The following LPP variants were observed in gnomAD, a reference collection of about 807,000 sequenced individuals.
LPP encodes the protein lipoma-preferred partner.
A neutral mutation model predicts 60.4 loss-of-function variants in LPP; 38 were observed. The ratio of observed to expected loss-of-function variants is 0.63; its 90% CI spans 0.49 to 0.83. LPP has a LOEUF of 0.83. Among genes scored for constraint, LPP ranks in the 40% least tolerant of loss-of-function variants. The probability of loss-of-function intolerance (pLI) is 0.00; values close to 1 mark genes in which losing one functional copy is unlikely to be tolerated. For synonymous variants in LPP, 328 were observed against 290.8 expected, an observed-to-expected ratio of 1.13 and a Z score of -1.30; for missense variants, 902 against 783.6, an observed-to-expected ratio of 1.15 and a Z score of -1.80.
intron 2 of LPP, among the ~76,000 whole-genome samples, chr3:188,290,061 C>T (rs1249641443): frequency 6.6e-6 from 1 of 152,026 alleles, no homozygotes; most frequent in African/African-American, 2.4e-5. Context: ...CAACCTTGGC[C>T]TCCCGGGTTC....
chr3:188,635,232 T>G (rs1410761577), intron 7 of LPP, among the ~76,000 whole-genome samples: 2 of 152,236 alleles, frequency 1.3e-5, no homozygotes, highest in East Asian at 3.8e-4. Flanking sequence ...AGTCTCTAAC[T>G]CACATGCTGC....
chr3:188,818,307 A>G (rs1182287011), intron 9 of LPP, among the ~76,000 whole-genome samples: 1 of 152,132 alleles, frequency 6.6e-6, no homozygotes, highest in Non-Finnish European at 1.5e-5. Flanking sequence ...TGTCAGAACT[A>G]TTTAATAGTT....
chr3:188,359,879 T>G (rs1032522938), intron 3 of LPP, among the ~76,000 whole-genome samples: 4 of 152,186 alleles, frequency 2.6e-5, no homozygotes, highest in African/African-American at 9.7e-5. Context: ...TTATACCTCT[T>G]TCTCCCCTTA....
intron 9 of LPP, among the ~76,000 whole-genome samples, chr3:188,814,393 T>C (rs949598700): frequency 5.9e-5 from 9 of 152,158 alleles, no homozygotes; most frequent in Non-Finnish European, 1.3e-4. Flanking sequence ...ATAGTTAATA[T>C]CCTAGGAATA....
chr3:188,694,780 TG>T (rs1310689441), intron 7 of LPP, among the ~76,000 whole-genome samples: 1 of 152,126 alleles, frequency 6.6e-6, no homozygotes, highest in Non-Finnish European at 1.5e-5. Flanking sequence ...CAGAATTAGT[TG>T]GGGGTACTTG....
Position 188,732,716 on chromosome 3 carries a change from CA to C in LPP, c.1240+24343del, listed in dbSNP as rs1167795146. On this transcript the variant is annotated intron_variant, in intron 8 of 11. Transcript: ENST00000617246. ...CCTAGCGACAGAGTGAGACTCTTAT[CA>C]AAAAAAAAAAAAAAAAAAAGAATAT... Among the ~76,000 whole-genome samples the C allele has an allele frequency of 5.7e-3, 420 of 74,324 alleles. 3 individuals carry two copies. Among genetic ancestry groups the C allele is most frequent in the African/African-American group, 0.011 (198 of 17,880 alleles). The allele number at this position is 74,324 out of a possible 152,430, so 48.8% of individuals were successfully genotyped here. A position where few individuals can be genotyped will look rare whatever the true frequency, so the allele number is the denominator to read the frequency against.
chr3:188,290,406 A>T (rs1024969121), intron 2 of LPP, among the ~76,000 whole-genome samples: 4 of 152,220 alleles, frequency 2.6e-5, no homozygotes, highest in Admixed American at 6.5e-5. Flanking sequence ...TACTTTCTTC[A>T]TCTATAAAAT....
intron 1 of LPP, among the ~76,000 whole-genome samples, chr3:188,168,411 C>G (rs1720642583): frequency 6.6e-6 from 1 of 152,200 alleles, no homozygotes; most frequent in African/African-American, 2.4e-5. Context: ...AAGAACATCT[C>G]TAAACTGTGT....
intron 4 of LPP, among the ~76,000 whole-genome samples, chr3:188,412,503 C>T (rs1299440254): frequency 6.6e-6 from 1 of 152,096 alleles, no homozygotes; most frequent in Non-Finnish European, 1.5e-5. Context: ...ATGTTATTGT[C>T]ATTTTGATGA....
intron 7 of LPP, among the ~76,000 whole-genome samples, chr3:188,616,415 T>G (rs1844853419): frequency 6.6e-6 from 1 of 152,218 alleles, no homozygotes; most frequent in East Asian, 1.9e-4. Context: ...GTGTAATTTC[T>G]GAGGTCTCTG....
intron 4 of LPP, among the ~76,000 whole-genome samples, chr3:188,464,884 C>T (rs1237124486): frequency 6.6e-6 from 1 of 150,714 alleles, no homozygotes; most frequent in Non-Finnish European, 1.5e-5. Flanking sequence ...ATTCTGAGTC[C>T]CTTAAATGTT....
chr3:188,316,302 A>G (rs1157887949), intron 2 of LPP, among the ~76,000 whole-genome samples: 1 of 152,146 alleles, frequency 6.6e-6, no homozygotes, highest in Non-Finnish European at 1.5e-5. Flanking sequence ...AAAACAAAAA[A>G]AAGATTAGCC....
intron 1 of LPP, among the ~76,000 whole-genome samples, chr3:188,186,656 G>A (rs575917397): frequency 9.2e-5 from 14 of 151,888 alleles, no homozygotes; most frequent in Non-Finnish European, 2.1e-4. Flanking sequence ...TAATGCGGAA[G>A]TGTTTACAAT....
At chr3:188,420,084 T>A (rs1052758338) in intron 4 of LPP, among the ~76,000 whole-genome samples, 5 of 151,988 alleles carry the variant, frequency 3.3e-5, no homozygotes, top group South Asian at 4.1e-4. Context: ...ATAGTTTTTT[T>A]TAAAAAATTC....
Position 188,352,923 on chromosome 3 carries a change from G to C in LPP, c.-10+11204G>C, listed in dbSNP as rs570835429. Among the ~76,000 whole-genome samples, 63 of 152,176 alleles carry C rather than the reference G, an allele frequency of 4.1e-4. No individual in the cohort carries two copies. Among genetic ancestry groups the C allele is most frequent in the Non-Finnish European group, 6.5e-4 (44 of 68,016 alleles). ...CATGTCCATCCACAGAAACTTTTCT[G>C]GGGGAGAATGTTTCTTATCAGATTC... On this transcript the variant is annotated intron_variant, in intron 3 of 11. Transcript: ENST00000617246. The surrounding 1 kb of genome is among the most constrained non-coding windows in gnomAD (Gnocchi z 4.4).
At chr3:188,179,597 C>G in intron 1 of LPP, 5 of 410,240 alleles carry the variant, frequency 1.2e-5, no homozygotes, top group South Asian at 8.9e-5. Flanking sequence ...AGCAGCATTC[C>G]TTCTAGTTTA....
chr3:188,859,447 G>T (rs1461075251), intron 9 of LPP, among the ~76,000 whole-genome samples: 1 of 152,080 alleles, frequency 6.6e-6, no homozygotes. Flanking sequence ...GTGCCTCAAT[G>T]ATAGCAATTT....
intron 8 of LPP, among the ~76,000 whole-genome samples, chr3:188,749,957 G>A (rs1045471156): frequency 3.9e-5 from 6 of 152,190 alleles, no homozygotes; most frequent in African/African-American, 2.4e-5. Context: ...CAGAATAACT[G>A]AGACTGGGTA....
intron 1 of LPP, among the ~76,000 whole-genome samples, chr3:188,201,580 G>T (rs569642919): frequency 6.6e-6 from 1 of 152,290 alleles, no homozygotes; most frequent in Admixed American, 6.5e-5. Context: ...GGTGGCGCAT[G>T]CCTGTAATCC....
Sources: gnomAD v4.1 joint callset for allele counts (sites outside exome capture counted in the v4.1 genomes callset) on GRCh38, gnomAD v4.1.1 for gene constraint, Gnocchi (gnomAD v3.1) non-coding constraint, MANE v1.5 for transcripts, NCBI Gene and HGNC (gene_info 2026-07-23, HGNC 2026-07-21) for gene names.